Variants in CDH12 observed in about 807,000 individuals in gnomAD.
The protein encoded by CDH12 is cadherin 12, also known as cadherin-12.
A neutral mutation model predicts 74.1 loss-of-function variants in CDH12; 41 were observed. That is an observed-to-expected ratio of 0.55 (90% confidence interval 0.43 to 0.72). The LOEUF (loss-of-function observed/expected upper bound fraction) is 0.72, where lower values mean the gene tolerates loss of function less well. Ranked by LOEUF, CDH12 falls within the 30% of genes least tolerant of loss-of-function variation. CDH12 has a pLI of 0.00. For missense variants in CDH12, 945 were observed against 977.2 expected, an observed-to-expected ratio of 0.97 and a Z score of 0.44; for synonymous variants, 399 against 355.0, an observed-to-expected ratio of 1.12 and a Z score of -1.39.
chr5:22,530,654 T>A (rs1477100977), intron 1 of CDH12, among the ~76,000 whole-genome samples: 1 of 152,014 alleles, frequency 6.6e-6, no homozygotes, highest in East Asian at 1.9e-4. Flanking sequence ...ATAAAAATAA[T>A]AATATATTTT....
At chr5:22,447,792 C>T (rs940234522) in intron 2 of CDH12, among the ~76,000 whole-genome samples, 2 of 151,804 alleles carry the variant, frequency 1.3e-5, no homozygotes, top group African/African-American at 4.8e-5. Context: ...CACAACATAT[C>T]TGGAAAACAA....
chr5:22,087,833 A>G (rs1743168967), intron 4 of CDH12, among the ~76,000 whole-genome samples: 1 of 152,198 alleles, frequency 6.6e-6, no homozygotes, highest in Admixed American at 6.5e-5. Flanking sequence ...CAACAAAATA[A>G]TGGAAAATGC....
chr5:22,823,359 T>A (rs1749825989), intron 1 of CDH12, among the ~76,000 whole-genome samples: 2 of 152,198 alleles, frequency 1.3e-5, no homozygotes, highest in South Asian at 4.2e-4. Context: ...ATTGTGCACA[T>A]CTATCCTAAA....
chr5:21,965,776 C>G (rs1756554485), intron 6 of CDH12, among the ~76,000 whole-genome samples: 1 of 151,892 alleles, frequency 6.6e-6, no homozygotes. Flanking sequence ...CCATTTTTTT[C>G]AGCATACTTA....
intron 1 of CDH12, among the ~76,000 whole-genome samples, chr5:22,832,952 C>G (rs115956090): frequency 0.013 from 1,908 of 152,218 alleles, 41 homozygotes; most frequent in African/African-American, 0.044. Context: ...AAATGAGCAT[C>G]TTTTTAATCA....
intron 3 of CDH12, among the ~76,000 whole-genome samples, chr5:22,383,445 C>T (rs2126391509): frequency 6.6e-6 from 1 of 152,246 alleles, no homozygotes; most frequent in East Asian, 1.9e-4. Context: ...GGGGAAGGTC[C>T]TATTGCAGAT....
At chr5:22,216,882 A>C (rs1471370535) in intron 3 of CDH12, among the ~76,000 whole-genome samples, 1 of 151,850 alleles carries the variant, frequency 6.6e-6, no homozygotes, top group African/African-American at 2.4e-5. Context: ...TCTATTTAAT[A>C]ATTTCATTGG....
chr5:22,274,579 A>G (rs1736541994), intron 3 of CDH12, among the ~76,000 whole-genome samples: 1 of 152,044 alleles, frequency 6.6e-6, no homozygotes, highest in South Asian at 2.1e-4. Flanking sequence ...ACTCTTTTGA[A>G]GTTACTATTT....
At chr5:22,309,331 A>G (rs574015205) in intron 3 of CDH12, among the ~76,000 whole-genome samples, 2 of 152,336 alleles carry the variant, frequency 1.3e-5, no homozygotes, top group Middle Eastern at 3.4e-3. Context: ...CGTGTTTAAG[A>G]ATCACAGAAC....
In CDH12 at chr5:22,078,744, G is replaced by A; in HGVS notation, c.-68C>T. On this transcript the variant is annotated 5_prime_UTR_variant, in exon 5 of 15. Coordinates refer to ENST00000382254, the MANE Select transcript of CDH12 (RefSeq NM_004061.5). The stretch of plus-strand genomic sequence containing the variant: ...CTTAACGTAGAATTGTGGAATCCAG[G>A]TTTGAGGTGTCTGTGGCCTCCACCA... 6.4e-7 allele frequency: 1 copy of A among 1,568,554 alleles called. No individual in the cohort carries two copies. The highest frequency in any genetic ancestry group is 8.6e-7 in the Non-Finnish European group (1 of 1,157,520).
intron 1 of CDH12, among the ~76,000 whole-genome samples, chr5:22,621,718 C>A (rs1368501065): frequency 2.0e-5 from 3 of 151,838 alleles, no homozygotes; most frequent in Non-Finnish European, 4.4e-5. Context: ...AATAAACAAA[C>A]TTATAACACT....
rs72739948 is a variant in CDH12, at chr5:21,798,796, A to G, written c.1256+3371T>C. ...ATAACCTTTCCAGCTTTCAGAAACA[A>G]GAGACATATATGTTTTTTGCTGAAG... On this transcript the variant is annotated intron_variant, in intron 10 of 14. Transcript: ENST00000382254. Among the ~76,000 whole-genome samples the G allele has an allele frequency of 6.0e-3, 914 of 152,262 alleles. 8 individuals carry two copies. The highest frequency in any genetic ancestry group is 0.027 in the Middle Eastern group (8 of 294).
intron 1 of CDH12, among the ~76,000 whole-genome samples, chr5:22,626,229 G>GC (rs1200150695): frequency 6.6e-6 from 1 of 152,166 alleles, no homozygotes; most frequent in East Asian, 1.9e-4. Context: ...CCAGTGCCCT[G>GC]CCCCCAGCTG....
At chr5:22,839,455 T>A (rs773912780) in intron 1 of CDH12, among the ~76,000 whole-genome samples, 2 of 149,578 alleles carry the variant, frequency 1.3e-5, no homozygotes, top group African/African-American at 2.5e-5. Context: ...GCCTCCTGGG[T>A]TCAAGCAATT....
At chr5:22,673,714 C>T (rs550309033) in intron 1 of CDH12, among the ~76,000 whole-genome samples, 4 of 152,178 alleles carry the variant, frequency 2.6e-5, no homozygotes, top group Non-Finnish European at 4.4e-5. Context: ...ACTCAGTCTT[C>T]AGAGTTCTTG....
At chr5:22,059,565 A>G (rs1330020982) in intron 5 of CDH12, among the ~76,000 whole-genome samples, 1 of 152,172 alleles carries the variant, frequency 6.6e-6, no homozygotes, top group Non-Finnish European at 1.5e-5. Context: ...TACACAGCAG[A>G]GAACTGTTTT....
intron 4 of CDH12, among the ~76,000 whole-genome samples, chr5:22,126,125 A>T (rs543858427): frequency 6.6e-6 from 1 of 152,222 alleles, no homozygotes; most frequent in Admixed American, 6.5e-5. Flanking sequence ...ACTATTATAG[A>T]CCTGCATATA....
In CDH12 at chr5:22,672,973, T is replaced by G. The variant is rs144305536; in HGVS notation, c.-522-167609A>C. Among the ~76,000 whole-genome samples the G allele has an allele frequency of 3.2e-3, 482 of 152,316 alleles. 4 individuals are homozygous for G. Among genetic ancestry groups the G allele is most frequent in the African/African-American group, 0.011 (463 of 41,590 alleles). On this transcript the variant is annotated intron_variant, in intron 1 of 14. Coordinates refer to ENST00000382254, the MANE Select transcript of CDH12 (RefSeq NM_004061.5). ...CTGCCTAAACTCCTTACCTTTAATT[T>G]CTTAATTGCTGTAATCTCTATCTTT... is the stretch of plus-strand genomic sequence containing the variant.
intron 3 of CDH12, among the ~76,000 whole-genome samples, chr5:22,323,682 G>A (rs1331027833): frequency 6.6e-6 from 1 of 152,150 alleles, no homozygotes; most frequent in Admixed American, 6.5e-5. Context: ...GAAAATGAGA[G>A]AATGGTGAAA....
Sources: allele counts gnomAD v4.1 joint callset (sites outside exome capture counted in the v4.1 genomes callset), GRCh38; gene constraint gnomAD v4.1.1; transcripts MANE v1.5; gene names NCBI Gene and HGNC (gene_info 2026-07-23, HGNC 2026-07-21).